LRRC1: variants seen among roughly 807,000 people sequenced by gnomAD.
LRRC1 encodes leucine rich repeat containing 1.
In LRRC1, 28 loss-of-function variants were observed where a neutral mutation model predicts 69.9. The observed-to-expected ratio is 0.40, with a 90% CI of 0.30 to 0.55. LRRC1 has a LOEUF of 0.55. Ranked by LOEUF, LRRC1 falls within the 20% of genes least tolerant of loss-of-function variation. LRRC1 has a pLI of 0.47. For missense variants in LRRC1, 498 were observed against 609.0 expected (o/e 0.82, Z 1.92); for synonymous variants, 236 against 240.2 (o/e 0.98, Z 0.16).
chr6:53,875,198 T>C (rs1309509156), intron 2 of LRRC1, among the ~76,000 whole-genome samples: 1 of 152,140 alleles, frequency 6.6e-6, no homozygotes, highest in East Asian at 1.9e-4. Context: ...GAACATAGCC[T>C]AAGGAAATAA....
intron 4 of LRRC1, among the ~76,000 whole-genome samples, chr6:53,893,660 C>G (rs1212535133): frequency 6.6e-6 from 1 of 152,054 alleles, no homozygotes; most frequent in Non-Finnish European, 1.5e-5. Flanking sequence ...ACTAACAGTT[C>G]CAAGCATTTC....
At chr6:53,915,159 G>A (rs1414494976) in intron 11 of LRRC1, among the ~76,000 whole-genome samples, 3 of 152,144 alleles carry the variant, frequency 2.0e-5, no homozygotes, top group African/African-American at 4.8e-5. Context: ...GATCTTAAAT[G>A]GTAAAGGCCA....
At chr6:53,878,431 A>C (rs1006928289) in intron 2 of LRRC1, among the ~76,000 whole-genome samples, 14 of 152,240 alleles carry the variant, frequency 9.2e-5, no homozygotes, top group African/African-American at 3.4e-4. Context: ...TTTTCCTGCA[A>C]CTGGACAGTC....
chr6:53,895,989 A>T (rs1259918483), intron 4 of LRRC1, among the ~76,000 whole-genome samples: 1 of 152,228 alleles, frequency 6.6e-6, no homozygotes, highest in Non-Finnish European at 1.5e-5. Flanking sequence ...TGAATTTATG[A>T]TCATAAGTAG....
chr6:53,814,624 C>T lies in LRRC1; in HGVS notation c.159+19209C>T, dbSNP rs529936315. ...AGATGTTTGCATAGTGCAGCCTGGT[C>T]GGAGTATGTGCTACCAGCATAGCTT... On this transcript the variant is annotated intron_variant, in intron 1 of 13. Coordinates refer to ENST00000370888, the MANE Select transcript of LRRC1 (RefSeq NM_018214.5). 2.4e-4 allele frequency among the ~76,000 whole-genome samples: 37 copies of T among 152,284 alleles called. No homozygotes were observed. The South Asian group carries it at 7.2e-3, about 30-fold the overall frequency.
At chr6:53,912,279 G>A (rs886502145) in intron 10 of LRRC1, among the ~76,000 whole-genome samples, 3 of 152,172 alleles carry the variant, frequency 2.0e-5, no homozygotes, top group Admixed American at 6.5e-5. Flanking sequence ...TATGAAATGC[G>A]TGTTATTATA....
At position 53,897,164 on chromosome 6, in the gene LRRC1, G is replaced by A. The variant is rs777332611; in HGVS notation, c.568-121G>A. 9.9e-5 allele frequency: 68 copies of A among 683,584 alleles called. 1 individual carries two copies. The highest frequency in any genetic ancestry group is 1.5e-4 in the Non-Finnish European group (62 of 405,526). The allele number at this position is 683,584 out of a possible 1,614,324, so 42.3% of individuals were successfully genotyped here. A position where few individuals can be genotyped will look rare whatever the true frequency, so the allele number is the denominator to read the frequency against. ...GGAAAGGGGCTGGATGTTAAGAGAAGTACCAGTGAACATCTGCTAAGGTAC... is the reference window on the plus strand; with the variant it reads ...GGAAAGGGGCTGGATGTTAAGAGAAATACCAGTGAACATCTGCTAAGGTAC... On this transcript the variant is annotated intron_variant, in intron 6 of 13. Coordinates refer to ENST00000370888, the MANE Select transcript of LRRC1 (RefSeq NM_018214.5).
At chr6:53,845,153 A>C (rs566986774) in intron 2 of LRRC1, among the ~76,000 whole-genome samples, 187 of 152,326 alleles carry the variant, frequency 1.2e-3, no homozygotes, top group African/African-American at 3.8e-3. Context: ...GCAGTGAGGC[A>C]AGATCACGCC....
chr6:53,859,461 A>G (rs1273119749), intron 2 of LRRC1, among the ~76,000 whole-genome samples: 1 of 152,234 alleles, frequency 6.6e-6, no homozygotes, highest in Non-Finnish European at 1.5e-5. Flanking sequence ...GCTAGGAGCC[A>G]TTCATAAAAT....
intron 1 of LRRC1, among the ~76,000 whole-genome samples, chr6:53,841,802 T>C (rs2127416193): frequency 6.6e-6 from 1 of 152,336 alleles, no homozygotes; most frequent in South Asian, 2.1e-4. Flanking sequence ...TAAGTCGATA[T>C]TTCTGTCTAC....
intron 9 of LRRC1, 54 bp downstream of exon 9, chr6:53,902,801 A>T: frequency 8.7e-7 from 1 of 1,142,884 alleles, no homozygotes. Context: ...GATTCTACTT[A>T]ATTTGTAATT....
chr6:53,883,903 TAAG>T (rs747539372), intron 4 of LRRC1: 53 of 717,604 alleles, frequency 7.4e-5, no homozygotes, highest in Non-Finnish European at 1.3e-4. Context: ...CAGAGGTTTA[TAAG>T]AATATTTGCA....
chr6:53,910,582 C>T (rs1034025268), intron 10 of LRRC1, among the ~76,000 whole-genome samples: 1 of 152,100 alleles, frequency 6.6e-6, no homozygotes, highest in African/African-American at 2.4e-5. Context: ...TGATTGTACT[C>T]ATCATTTGGA....
chr6:53,875,465 C>T (rs1052638058), intron 2 of LRRC1, among the ~76,000 whole-genome samples: 6 of 151,706 alleles, frequency 4.0e-5, no homozygotes, highest in African/African-American at 1.5e-4. Flanking sequence ...TATGTGTGTG[C>T]ACACGTGTGT....
intron 1 of LRRC1, among the ~76,000 whole-genome samples, chr6:53,810,482 T>G (rs1169144121): frequency 6.6e-6 from 1 of 151,980 alleles, no homozygotes; most frequent in Non-Finnish European, 1.5e-5. Flanking sequence ...TAGCCGGGCG[T>G]GGTCGTGGGC....
At chr6:53,851,206 G>C (rs939688123) in intron 2 of LRRC1, among the ~76,000 whole-genome samples, 1 of 68,248 alleles carries the variant, frequency 1.5e-5, no homozygotes, top group Non-Finnish European at 3.2e-5. Flanking sequence ...ACACACACAC[G>C]TGAATATATA....
At chr6:53,868,085 A>G (rs1766764585) in intron 2 of LRRC1, among the ~76,000 whole-genome samples, 1 of 152,164 alleles carries the variant, frequency 6.6e-6, no homozygotes, top group African/African-American at 2.4e-5. Context: ...AAGTATTAGT[A>G]TACTAACTAT....
At chr6:53,796,079 TG>T (rs1163316472) in intron 1 of LRRC1, among the ~76,000 whole-genome samples, 3 of 152,196 alleles carry the variant, frequency 2.0e-5, no homozygotes, top group Admixed American at 2.0e-4. Flanking sequence ...CTTGCCTACG[TG>T]GACCTGTTGC....
intron 2 of LRRC1, among the ~76,000 whole-genome samples, chr6:53,860,299 C>G (rs958408510): frequency 7.9e-5 from 12 of 152,186 alleles, no homozygotes; most frequent in African/African-American, 2.7e-4. Flanking sequence ...AATATATGTG[C>G]ATGCTTCATT....
Sources: allele counts gnomAD v4.1 joint callset (sites outside exome capture counted in the v4.1 genomes callset), GRCh38; gene constraint gnomAD v4.1.1; transcripts MANE v1.5; gene names NCBI Gene and HGNC (gene_info 2026-07-23, HGNC 2026-07-21).